The following SIN3A variants were observed in gnomAD, a reference collection of about 807,000 sequenced individuals.
SIN3A encodes the protein SIN3 transcription regulator family member A.
A neutral mutation model predicts 146.1 loss-of-function variants in SIN3A; 14 were observed. That is an observed-to-expected ratio of 0.10 (90% CI 0.06 to 0.15). SIN3A has a LOEUF of 0.15. Among genes scored for constraint, SIN3A ranks in the 10% least tolerant of loss-of-function variants. SIN3A has a pLI of 1.00. For synonymous variants in SIN3A, 572 were observed against 572.0 expected (o/e 1.00, Z 0.00); for missense variants, 1,028 against 1,576.0 (o/e 0.65, Z 5.89).
chr15:75,380,077 T>C (rs906920543), intron 19 of SIN3A, among the ~76,000 whole-genome samples: 1 of 152,232 alleles, frequency 6.6e-6, no homozygotes, highest in African/African-American at 2.4e-5. Context: ...TTTTGGTACA[T>C]GCTAGGCATA....
chr15:75,394,233 AG>A (rs1225916987), intron 14 of SIN3A, among the ~76,000 whole-genome samples: 1 of 152,218 alleles, frequency 6.6e-6, no homozygotes, highest in African/African-American at 2.4e-5. Flanking sequence ...CACGGAAACC[AG>A]GATTTATTGC....
chr15:75,373,664 C>T (rs751855613), intron 20 of SIN3A, among the ~76,000 whole-genome samples: 1 of 151,196 alleles, frequency 6.6e-6, no homozygotes, highest in Non-Finnish European at 1.5e-5. Context: ...AATCCCAGCA[C>T]TTTAGGAGGC....
intron 2 of SIN3A, among the ~76,000 whole-genome samples, chr15:75,427,260 C>T (rs530679363): frequency 2.0e-5 from 3 of 152,106 alleles, no homozygotes; most frequent in East Asian, 1.9e-4. Context: ...GTAATCCCAG[C>T]GACTCAAGAG....
chr15:75,443,463 C>T (rs1322954449), intron 1 of SIN3A: 1 of 152,200 alleles, frequency 6.6e-6, no homozygotes, highest in African/African-American at 2.4e-5. Context: ...TGCCTGGAAT[C>T]CCAGCACTTT....
At chr15:75,447,693 G>C (rs1254141532) in intron 1 of SIN3A, 1 of 152,120 alleles carries the variant, frequency 6.6e-6, no homozygotes, top group Non-Finnish European at 1.5e-5. Flanking sequence ...TGCAAATAAA[G>C]GATGTGGACC....
intron 17 of SIN3A, among the ~76,000 whole-genome samples, chr15:75,383,353 A>G (rs2073011504): frequency 6.6e-6 from 1 of 152,046 alleles, no homozygotes; most frequent in Non-Finnish European, 1.5e-5. Flanking sequence ...AGAGAAGTTT[A>G]GAATCATAGA....
intron 20 of SIN3A, among the ~76,000 whole-genome samples, chr15:75,372,448 G>C (rs955509223): frequency 6.6e-6 from 1 of 152,028 alleles, no homozygotes; most frequent in Non-Finnish European, 1.5e-5. Flanking sequence ...AAAGAAATGC[G>C]AACACAGGCT....
At chr15:75,408,282 A>T (rs1263774878) in intron 8 of SIN3A, among the ~76,000 whole-genome samples, 1 of 152,236 alleles carries the variant, frequency 6.6e-6, no homozygotes, top group Non-Finnish European at 1.5e-5. Flanking sequence ...CTCTTTATTG[A>T]AATGAAGAAA....
At chr15:75,450,692 G>A (rs918861758) in intron 1 of SIN3A, among the ~76,000 whole-genome samples, 2 of 152,336 alleles carry the variant, frequency 1.3e-5, no homozygotes, top group South Asian at 2.1e-4. Flanking sequence ...CAGGCAGAAG[G>A]CATGACCCAG....
chr15:75,384,995 G>A (rs751016305), intron 16 of SIN3A, among the ~76,000 whole-genome samples: 4 of 152,084 alleles, frequency 2.6e-5, no homozygotes, highest in South Asian at 4.1e-4. Flanking sequence ...CTAACATGGC[G>A]AAACCCCATC....
chr15:75,430,209 T>G lies in SIN3A; in HGVS notation c.167A>C (p.Tyr56Ser). 6.2e-7 allele frequency: 1 copy of G among 1,614,014 alleles called. No individual in the cohort carries two copies. The highest frequency in any genetic ancestry group is 8.5e-7 in the Non-Finnish European group (1 of 1,179,960). ...ETMQSATGIQ[Y>S]SVTPSYQVSA... Reference sequence around the variant, plus strand: ...TACCTGGTAGCTGGGTGTTACAGAGTACTGAATTCCCGTAGCTGACTGCAT... The same window carrying G: ...TACCTGGTAGCTGGGTGTTACAGAGGACTGAATTCCCGTAGCTGACTGCAT... The change falls in exon 2 of 21, where the codon TAC becomes TCC. Residue 56 changes from tyrosine to serine, a missense_variant. Tyr to Ser is a moderately radical substitution (Grantham distance 144). Around this residue, in one of 9 missense-constraint regions of SIN3A, gnomAD observed 152 missense variants for 231.5 expected, o/e 0.66. Transcript: ENST00000394947.
chr15:75,447,109 G>C (rs752617224), intron 1 of SIN3A, among the ~76,000 whole-genome samples: 26 of 152,152 alleles, frequency 1.7e-4, no homozygotes, highest in East Asian at 7.7e-4. Flanking sequence ...TTAATACTCA[G>C]ACTGAAATGG....
At chr15:75,380,513 A>G (rs2141382552) in intron 19 of SIN3A, 116 bp downstream of exon 19, 1 of 762,522 alleles carries the variant, frequency 1.3e-6, no homozygotes, top group Non-Finnish European at 2.2e-6. Flanking sequence ...TAGCATCCCC[A>G]GCAGATAGAA....
In SIN3A at chr15:75,410,337, C is replaced by T. The variant is rs747228593; in HGVS notation, c.1009-51G>A. On this transcript the variant is annotated intron_variant, in intron 6 of 20. Transcript: ENST00000394947. ...TCATTTGGGCTACTGTTTTGAGTCACTCATCTTTGCACGCTTTCTGGAATC... is the reference window on the plus strand; with the variant it reads ...TCATTTGGGCTACTGTTTTGAGTCATTCATCTTTGCACGCTTTCTGGAATC... 7 of 1,562,662 alleles carry T rather than the reference C, an allele frequency of 4.5e-6. No homozygotes were observed. In the East Asian group the frequency reaches 1.3e-4, roughly 30 times the overall value.
chr15:75,400,589 G>T, intron 11 of SIN3A, 141 bp downstream of exon 11: 1 of 724,252 alleles, frequency 1.4e-6, no homozygotes, highest in East Asian at 2.7e-5. Flanking sequence ...AAACAAAAAA[G>T]TAGAAAACAT....
chr15:75,375,591 A>T, intron 20 of SIN3A, 74 bp downstream of exon 20: 1 of 1,182,704 alleles, frequency 8.5e-7, no homozygotes, highest in East Asian at 2.3e-5. Context: ...AAAAACAATC[A>T]GAAGACTCTG....
chr15:75,408,514 T>C (rs755343389), intron 8 of SIN3A, among the ~76,000 whole-genome samples: 86 of 152,232 alleles, frequency 5.6e-4, no homozygotes, highest in Non-Finnish European at 1.8e-4. Flanking sequence ...CTATATTACA[T>C]ACTGCTTTGA....
intron 1 of SIN3A, among the ~76,000 whole-genome samples, chr15:75,430,914 T>TA (rs2074003249): frequency 6.6e-6 from 1 of 152,086 alleles, no homozygotes; most frequent in South Asian, 2.1e-4. Context: ...TAGCTGGGAC[T>TA]ACAGGCACCC....
chr15:75,392,834 A>G lies in SIN3A; in HGVS notation c.2278-19T>C. 1 of 1,546,998 alleles carries G rather than the reference A, an allele frequency of 6.5e-7. No individual in the cohort carries two copies. The highest frequency in any genetic ancestry group is 1.4e-5 in the African/African-American group (1 of 73,394). ...CTTGCCTCTGATGGGACAGAGACAC[A>G]AAAGTATTCTGTGAGATGTCTACAG... On this transcript the variant is annotated intron_variant, in intron 14 of 20. Transcript: ENST00000394947.
Sources: allele counts gnomAD v4.1 joint callset (sites outside exome capture counted in the v4.1 genomes callset), GRCh38; gene constraint gnomAD v4.1.1; regional missense constraint gnomAD v4.1.1; transcripts MANE v1.5; gene names NCBI Gene and HGNC (gene_info 2026-07-23, HGNC 2026-07-21).